TCEA2: variants seen among roughly 807,000 people sequenced by gnomAD.
The protein encoded by TCEA2 is transcription elongation factor A2.
In TCEA2, 21 loss-of-function variants were observed where a neutral mutation model predicts 40.8. The observed-to-expected ratio is 0.51, with a 90% CI of 0.36 to 0.74. The LOEUF (loss-of-function observed/expected upper bound fraction) is 0.74. Among genes scored for constraint, TCEA2 ranks in the 30% least tolerant of loss-of-function variants. The probability of loss-of-function intolerance (pLI) is 0.00; values close to 1 mark genes in which losing one functional copy is unlikely to be tolerated. For synonymous variants in TCEA2, 165 were observed against 162.7 expected, an observed-to-expected ratio of 1.01 and a Z score of -0.11; for missense variants, 326 against 426.5, an observed-to-expected ratio of 0.76 and a Z score of 2.08.
intron 3 of TCEA2, 94 bp downstream of exon 3, chr20:64,067,114 C>T (rs1371779613): frequency 1.5e-6 from 2 of 1,299,850 alleles, no homozygotes; most frequent in African/African-American, 2.9e-5. Flanking sequence ...CTGGCAGTGT[C>T]CACCCTGAGC....
intron 1 of TCEA2, 32 bp downstream of exon 1, chr20:64,063,416 A>T (rs757144862): frequency 6.6e-7 from 1 of 1,515,210 alleles, no homozygotes; most frequent in Admixed American, 2.0e-5. Context: ...GACCCCGGGA[A>T]CCCCGCCCCG....
In TCEA2 at chr20:64,067,060, G is replaced by A. The variant is rs748818917; in HGVS notation, c.241+40G>A. 2.2e-5 allele frequency: 34 copies of A among 1,563,332 alleles called. 1 individual carries two copies. The East Asian group carries it at 7.3e-4, about 33-fold the overall frequency. On this transcript the variant is annotated intron_variant, in intron 3 of 9. Transcript: ENST00000343484. Reference sequence around the variant, plus strand: ...GTGCCCACTGAGTGCTGGGGCAGGGGTCCCAGAAGTGCTGCCTCTTGCTGG... The same window carrying A: ...GTGCCCACTGAGTGCTGGGGCAGGGATCCCAGAAGTGCTGCCTCTTGCTGG...
chr20:64,067,098 A>G lies in TCEA2; in HGVS notation c.241+78A>G, dbSNP rs1209202819. 4 of 1,436,976 alleles carry G rather than the reference A, an allele frequency of 2.8e-6. No homozygotes were observed. The African/African-American group carries it at 5.7e-5, about 20-fold the overall frequency. The allele number at this position is 1,436,976 out of a possible 1,614,324, so 89.0% of individuals were successfully genotyped here. A position where few individuals can be genotyped will look rare whatever the true frequency, so the allele number is the denominator to read the frequency against. ...TGCCTCTTGCTGGTCAGCACAGTGTAGAGTGCTGGCAGTGTCCACCCTGAG... is the reference window on the plus strand; with the variant it reads ...TGCCTCTTGCTGGTCAGCACAGTGTGGAGTGCTGGCAGTGTCCACCCTGAG... On this transcript the variant is annotated intron_variant, in intron 3 of 9. Coordinates refer to ENST00000343484, the MANE Select transcript of TCEA2 (RefSeq NM_003195.6).
intron 1 of TCEA2, among the ~76,000 whole-genome samples, chr20:64,064,937 G>T (rs1206645180): frequency 6.6e-6 from 1 of 151,796 alleles, no homozygotes; most frequent in East Asian, 1.9e-4. Context: ...AGCAAAGATG[G>T]GTCATGGAGC....
chr20:64,056,622 C>A (rs997626137), upstream of TCEA2, among the ~76,000 whole-genome samples: 5 of 152,094 alleles, frequency 3.3e-5, no homozygotes, highest in Non-Finnish European at 7.4e-5. Context: ...GCAGCGGGAG[C>A]CTTCCCACCA....
Position 64,070,434 on chromosome 20 carries a change from G to A in TCEA2, c.672+20G>A, listed in dbSNP as rs1478410988. Reference sequence around the variant, plus strand: ...TCAGAGGTGAGCCCCTGTTGGAGGGGCTGGAGGGCTGCTCCCTCGGAGCGG... The same window carrying A: ...TCAGAGGTGAGCCCCTGTTGGAGGGACTGGAGGGCTGCTCCCTCGGAGCGG... On this transcript the variant is annotated intron_variant, in intron 7 of 9. Coordinates refer to ENST00000343484, the MANE Select transcript of TCEA2 (RefSeq NM_003195.6). 6.2e-6 allele frequency: 10 copies of A among 1,613,838 alleles called. No individual in the cohort carries two copies. The highest frequency in any genetic ancestry group is 8.5e-6 in the Non-Finnish European group (10 of 1,179,964).
At chr20:64,063,494 C>A in intron 1 of TCEA2, 110 bp downstream of exon 1, 1 of 1,262,892 alleles carries the variant, frequency 7.9e-7, no homozygotes, top group Admixed American at 2.1e-5. Context: ...AGGACGAGAC[C>A]CCTCCCCGGC....
At chr20:64,058,290 T>C (rs2059500600), upstream of TCEA2, among the ~76,000 whole-genome samples, 1 of 152,210 alleles carries the variant, frequency 6.6e-6, no homozygotes, top group South Asian at 2.1e-4. The surrounding 1 kb of genome is among the most constrained non-coding windows in gnomAD (Gnocchi z 6.7). Flanking sequence ...CCACGTGCCC[T>C]AATGCAGCCC....
intron 8 of TCEA2, among the ~76,000 whole-genome samples, chr20:64,071,141 A>G (rs1321773982): frequency 1.3e-5 from 2 of 152,134 alleles, no homozygotes; most frequent in African/African-American, 4.8e-5. Flanking sequence ...TGAGGTCAGG[A>G]GTTCGAGACC....
chr20:64,071,214 G>T (rs2059822758), intron 8 of TCEA2, among the ~76,000 whole-genome samples: 1 of 152,212 alleles, frequency 6.6e-6, no homozygotes, highest in South Asian at 2.1e-4. Context: ...TGGGCGTGGT[G>T]GCGCATGCCT....
intron 6 of TCEA2, 71 bp from the exon 7 acceptor site, chr20:64,070,188 GC>G: frequency 6.3e-7 from 1 of 1,584,940 alleles, no homozygotes; most frequent in Middle Eastern, 1.7e-4. Context: ...CCCCAACATG[GC>G]CCCCAGCGGG....
chr20:64,067,794 G>T (rs924095790), intron 3 of TCEA2, among the ~76,000 whole-genome samples: 1 of 152,226 alleles, frequency 6.6e-6, no homozygotes, highest in East Asian at 1.9e-4. Flanking sequence ...GTGGGTGCTT[G>T]TACGGGAAAG....
Position 64,063,272 on chromosome 20 carries a change from A to AGGCGGGCGC in TCEA2, c.-39_-31dup, listed in dbSNP as rs757632854. The AGGCGGGCGC allele has an allele frequency of 2.0e-5, 30 of 1,502,206 alleles. No homozygotes were observed. The African/African-American group carries it at 3.5e-4, about 18-fold the overall frequency. 93.1% of individuals were successfully genotyped at this position (1,502,206 alleles called of 1,614,324 possible). A position where few individuals can be genotyped will look rare whatever the true frequency, so the allele number is the denominator to read the frequency against. The stretch of plus-strand genomic sequence containing the variant: ...GGGCCGGGGTCCTGCCCGGCTGCGG[A>AGGCGGGCGC]GGCGGGCGCGACGGGCGCGGGGGTC... On this transcript the variant is annotated 5_prime_UTR_variant, in exon 1 of 10. Coordinates refer to ENST00000343484, the MANE Select transcript of TCEA2 (RefSeq NM_003195.6).
chr20:64,063,652 A>T lies in TCEA2; in HGVS notation c.72+268A>T, dbSNP rs972545349. The T allele has an allele frequency of 3.7e-4, 183 of 495,974 alleles. 1 individual carries two copies. Among genetic ancestry groups the T allele is most frequent in the South Asian group, 1.1e-3 (44 of 38,936 alleles). 30.7% of individuals were successfully genotyped at this position (495,974 alleles called of 1,614,324 possible). A position where few individuals can be genotyped will look rare whatever the true frequency, so the allele number is the denominator to read the frequency against. The stretch of plus-strand genomic sequence containing the variant: ...GGAGAGCCACCCGCTCTGGACTCAG[A>T]CCCCTCCCTCGCCCGCAGTCACAGG... On this transcript the variant is annotated intron_variant, in intron 1 of 9. Coordinates refer to ENST00000343484, the MANE Select transcript of TCEA2 (RefSeq NM_003195.6).
At chr20:64,065,738 G>A (rs1282066718) in intron 1 of TCEA2, 1 of 152,578 alleles carries the variant, frequency 6.6e-6, no homozygotes, top group Non-Finnish European at 1.5e-5. Context: ...ACAAGGCGGA[G>A]AGAACGAGGT....
intron 4 of TCEA2, among the ~76,000 whole-genome samples, chr20:64,068,895 C>T (rs1215347968): frequency 6.6e-6 from 1 of 152,254 alleles, no homozygotes; most frequent in Non-Finnish European, 1.5e-5. Context: ...GACAGCAGAA[C>T]CTGGCCTTGG....
In TCEA2 at chr20:64,058,052, G is replaced by A. The variant is rs189793704; in HGVS notation, c.-84+401G>A. ...GCAGGTTCCCTGATCACCAGGATGG[G>A]CCTACACCTCTCCGCCTGCAGTAGT... is the stretch of plus-strand genomic sequence containing the variant. On this transcript the variant is annotated intron_variant, in intron 1 of 10. Coordinates refer to the TCEA2 transcript ENST00000361317. The surrounding 1 kb of genome is among the most constrained non-coding windows in gnomAD (Gnocchi z 6.7). Among the ~76,000 whole-genome samples the A allele has an allele frequency of 8.1e-4, 123 of 152,334 alleles. No homozygotes were observed. The highest frequency in any genetic ancestry group is 2.9e-3 in the African/African-American group (121 of 41,584).
At chr20:64,059,341 A>C (rs1171991105), upstream of TCEA2, among the ~76,000 whole-genome samples, 1 of 151,474 alleles carries the variant, frequency 6.6e-6, no homozygotes. Context: ...GCCCCCCACC[A>C]GCTCCCAGGC....
At chr20:64,065,176 C>T (rs773008338) in intron 1 of TCEA2, among the ~76,000 whole-genome samples, 1 of 152,082 alleles carries the variant, frequency 6.6e-6, no homozygotes, top group Non-Finnish European at 1.5e-5. Context: ...CTGAGAGCCA[C>T]GTAAGCAGGT....
Sources: allele counts gnomAD v4.1 joint callset (sites outside exome capture counted in the v4.1 genomes callset), GRCh38; gene constraint gnomAD v4.1.1; non-coding constraint Gnocchi (gnomAD v3.1); transcripts MANE v1.5; gene names NCBI Gene and HGNC (gene_info 2026-07-23, HGNC 2026-07-21).